The following SDHC variants were observed in gnomAD, a reference collection of about 807,000 sequenced individuals.
SDHC encodes succinate dehydrogenase complex subunit C, also known as succinate dehydrogenase cytochrome b560 subunit, mitochondrial.
In SDHC, 11 loss-of-function variants were observed where a neutral mutation model predicts 22.6. That is an observed-to-expected ratio of 0.49 (90% CI 0.31 to 0.81). The LOEUF (loss-of-function observed/expected upper bound fraction) is 0.81. SDHC is among the 30% of genes least tolerant of loss of function. SDHC has a pLI of 0.05. For missense variants in SDHC, 160 were observed against 212.0 expected, an observed-to-expected ratio of 0.75 and a Z score of 1.52; for synonymous variants, 80 against 77.8, an observed-to-expected ratio of 1.03 and a Z score of -0.15.
chr1:161,361,667 A>G (rs371383978), intron 5 of SDHC, among the ~76,000 whole-genome samples: 31 of 152,174 alleles, frequency 2.0e-4, no homozygotes, highest in Middle Eastern at 3.4e-3. Context: ...ATGAAACCCC[A>G]TCTCTACTAA....
At chr1:161,323,242 T>C (rs4272644) in intron 1 of SDHC, among the ~76,000 whole-genome samples, 17,729 of 151,256 alleles carry the variant, frequency 0.12, 1,385 homozygotes, top group African/African-American at 0.22. Flanking sequence ...TTGTGATCCG[T>C]CCGCCTCGGC....
Position 161,341,412 on chromosome 1 carries a change from A to G in SDHC, c.241+757A>G, listed in dbSNP as rs149741979. Among the ~76,000 whole-genome samples the G allele has an allele frequency of 2.0e-3, 304 of 152,300 alleles. 1 individual carries two copies. The highest frequency in any genetic ancestry group is 7.0e-3 in the African/African-American group (289 of 41,566). ...ATGTCTATTTATTCATTTATATAAT[A>G]TGAACTGCAGCTACAGAGTGAATTA... On this transcript the variant is annotated intron_variant, in intron 4 of 5. Transcript: ENST00000367975.
intron 5 of SDHC, among the ~76,000 whole-genome samples, chr1:161,360,745 GT>G (rs1244236307): frequency 6.6e-6 from 1 of 151,892 alleles, no homozygotes; most frequent in Non-Finnish European, 1.5e-5. Flanking sequence ...AGAAAAGTGG[GT>G]TTTAACTCAA....
chr1:161,320,526 CT>C (rs1670800529), intron 1 of SDHC, among the ~76,000 whole-genome samples: 1 of 151,960 alleles, frequency 6.6e-6, no homozygotes, highest in South Asian at 2.1e-4. Context: ...ATAGACTTGG[CT>C]TTGAATAACT....
chr1:161,348,213 A>G (rs909103581), intron 4 of SDHC, among the ~76,000 whole-genome samples: 3 of 151,856 alleles, frequency 2.0e-5, no homozygotes, highest in South Asian at 4.2e-4. Flanking sequence ...CTGGAGTGCA[A>G]TGGTGCCATC....
At chr1:161,355,005 A>G (rs1672222915) in intron 4 of SDHC, among the ~76,000 whole-genome samples, 1 of 152,094 alleles carries the variant, frequency 6.6e-6, no homozygotes, top group African/African-American at 2.4e-5. Context: ...CCACCGTGCC[A>G]GCCAAGATAA....
At chr1:161,332,294 C>G (rs1486331278) in intron 3 of SDHC, among the ~76,000 whole-genome samples, 1 of 152,124 alleles carries the variant, frequency 6.6e-6, no homozygotes, top group Non-Finnish European at 1.5e-5. Flanking sequence ...TTTAACAGCT[C>G]TTCCCTCAGT....
intron 4 of SDHC, among the ~76,000 whole-genome samples, chr1:161,348,677 A>G (rs1671991770): frequency 2.3e-5 from 1 of 42,890 alleles, no homozygotes; most frequent in Non-Finnish European, 4.0e-5. Context: ...AAAAAAAAAA[A>G]AAAAAAAAAA....
intron 5 of SDHC, among the ~76,000 whole-genome samples, chr1:161,361,473 A>T (rs1672506747): frequency 6.6e-6 from 1 of 152,124 alleles, no homozygotes; most frequent in Non-Finnish European, 1.5e-5. Context: ...CTATAAAAAG[A>T]TTCTGAGATT....
At chr1:161,327,992 A>G (rs1479373468) in intron 2 of SDHC, among the ~76,000 whole-genome samples, 1 of 151,430 alleles carries the variant, frequency 6.6e-6, no homozygotes, top group Non-Finnish European at 1.5e-5. Context: ...AACCTTTTCT[A>G]AAAAGATACT....
chr1:161,350,284 C>T (rs971416528), intron 4 of SDHC, among the ~76,000 whole-genome samples: 1 of 152,174 alleles, frequency 6.6e-6, no homozygotes, highest in Non-Finnish European at 1.5e-5. Flanking sequence ...CTCCTGAGCT[C>T]AAGTGATCCG....
chr1:161,345,086 C>T (rs191331089), intron 4 of SDHC, among the ~76,000 whole-genome samples: 11 of 152,300 alleles, frequency 7.2e-5, no homozygotes, highest in Admixed American at 5.2e-4. Context: ...TTCAAATATC[C>T]ACCTTTGCCC....
intron 3 of SDHC, among the ~76,000 whole-genome samples, chr1:161,338,114 T>C (rs1055368990): frequency 2.0e-5 from 3 of 152,240 alleles, no homozygotes; most frequent in Admixed American, 6.5e-5. Flanking sequence ...TACCAAATTA[T>C]GCTATCGTTC....
At chr1:161,319,146 G>T (rs75694778) in intron 1 of SDHC, among the ~76,000 whole-genome samples, 1,923 of 152,082 alleles carry the variant, frequency 0.013, 42 homozygotes, top group African/African-American at 0.042. Context: ...GCTTGAACTC[G>T]GGAAGTGGAG....
chr1:161,318,265 C>G (rs892577447), intron 1 of SDHC, among the ~76,000 whole-genome samples: 3 of 152,098 alleles, frequency 2.0e-5, no homozygotes, highest in Admixed American at 2.0e-4. Context: ...CCAACTTCTT[C>G]CCCTTCCCCC....
intron 4 of SDHC, among the ~76,000 whole-genome samples, chr1:161,351,206 T>A (rs1351338767): frequency 4.6e-5 from 7 of 152,192 alleles, no homozygotes. Context: ...TGCTAATTTT[T>A]AATTTGGCTT....
intron 3 of SDHC, chr1:161,339,467 G>A: frequency 1.7e-6 from 1 of 600,234 alleles, no homozygotes; most frequent in Non-Finnish European, 2.6e-6. Context: ...ACAGGTGTGA[G>A]CCACCATGCC....
intron 4 of SDHC, among the ~76,000 whole-genome samples, chr1:161,344,533 A>G (rs983802349): frequency 2.6e-5 from 4 of 152,062 alleles, no homozygotes; most frequent in African/African-American, 7.2e-5. Flanking sequence ...ATTCATCAGC[A>G]TATGTCCTGT....
At chr1:161,324,906 T>C (rs1209783494) in intron 2 of SDHC, among the ~76,000 whole-genome samples, 2 of 152,148 alleles carry the variant, frequency 1.3e-5, no homozygotes, top group Non-Finnish European at 2.9e-5. Context: ...ATATATTTCA[T>C]AGAAATATAA....
Sources: allele counts gnomAD v4.1 joint callset (sites outside exome capture counted in the v4.1 genomes callset), GRCh38; gene constraint gnomAD v4.1.1; transcripts MANE v1.5; gene names NCBI Gene and HGNC (gene_info 2026-07-23, HGNC 2026-07-21).